KTN1: variants seen among roughly 807,000 people sequenced by gnomAD.
The protein encoded by KTN1 is kinectin 1.
A neutral mutation model predicts 222.5 loss-of-function variants in KTN1; 130 were observed. The observed-to-expected ratio is 0.58, with a 90% CI of 0.51 to 0.68. The LOEUF (loss-of-function observed/expected upper bound fraction) is 0.68. Among genes scored for constraint, KTN1 ranks in the 30% least tolerant of loss-of-function variants. The pLI, the probability that KTN1 is intolerant of heterozygous loss-of-function variation, is 0.00. For synonymous variants in KTN1, 512 were observed against 496.3 expected, an observed-to-expected ratio of 1.03 and a Z score of -0.42; for missense variants, 1,508 against 1,500.4, an observed-to-expected ratio of 1.01 and a Z score of -0.08.
intron 5 of KTN1, among the ~76,000 whole-genome samples, chr14:55,622,810 C>T (rs964625678): frequency 6.6e-6 from 1 of 152,136 alleles, no homozygotes; most frequent in African/African-American, 2.4e-5. Context: ...TATATTACTG[C>T]TTTAAAAACC....
Position 55,627,809 on chromosome 14 carries a change from G to A in KTN1, c.964-103G>A, listed in dbSNP as rs966085126. On this transcript the variant is annotated intron_variant, in intron 5 of 43. Coordinates refer to ENST00000395314, the MANE Select transcript of KTN1 (RefSeq NM_001079521.2). ...GGACATGAACTCATTCTTTTTTATG[G>A]CTGCATAGTATTCCATGGTGTATAT... The A allele has an allele frequency of 8.8e-6, 6 of 681,672 alleles. No individual in the cohort carries two copies. The African/African-American group carries it at 9.0e-5, about 10-fold the overall frequency. 42.2% of individuals were successfully genotyped at this position (681,672 alleles called of 1,614,324 possible).
intron 32 of KTN1, chr14:55,663,680 T>C (rs1409979119): frequency 6.7e-6 from 2 of 299,854 alleles, no homozygotes; most frequent in East Asian, 1.4e-4. Context: ...GTCTTTACTT[T>C]TGAATGCTTT....
intron 18 of KTN1, chr14:55,644,349 G>A (rs2042083722): frequency 2.9e-6 from 2 of 701,146 alleles, no homozygotes; most frequent in East Asian, 2.7e-5. Flanking sequence ...TTTTTATTCT[G>A]GAGGAAAAGA....
chr14:55,665,849 T>A (rs912656631), intron 33 of KTN1, among the ~76,000 whole-genome samples: 4 of 151,996 alleles, frequency 2.6e-5, no homozygotes, highest in Non-Finnish European at 5.9e-5. Context: ...AAATTGTTAA[T>A]ACCAAATAAA....
intron 19 of KTN1, among the ~76,000 whole-genome samples, chr14:55,647,450 C>T (rs909225356): frequency 4.0e-5 from 6 of 151,074 alleles, no homozygotes; most frequent in African/African-American, 1.5e-4. Context: ...GCCTGGCCAA[C>T]ATGGCAAACC....
At chr14:55,600,080 C>T (rs75437558) in intron 1 of KTN1, among the ~76,000 whole-genome samples, 11,575 of 150,420 alleles carry the variant, frequency 0.077, 478 homozygotes, top group South Asian at 0.11. Context: ...ATTTACATTT[C>T]ATGTTCAGTT....
intron 31 of KTN1, among the ~76,000 whole-genome samples, chr14:55,660,928 T>C (rs1340129062): frequency 6.6e-6 from 1 of 152,204 alleles, no homozygotes; most frequent in African/African-American, 2.4e-5. Context: ...GAGCTATTTG[T>C]TATTTAACTT....
chr14:55,623,283 G>A (rs1319317766), intron 5 of KTN1, among the ~76,000 whole-genome samples: 1 of 152,232 alleles, frequency 6.6e-6, no homozygotes, highest in Non-Finnish European at 1.5e-5. Context: ...TGCCAGCAAT[G>A]GCCCAGAGTA....
At chr14:55,655,076 C>A (rs1172707115) in intron 28 of KTN1, among the ~76,000 whole-genome samples, 2 of 152,046 alleles carry the variant, frequency 1.3e-5, no homozygotes, top group African/African-American at 4.8e-5. Flanking sequence ...GCAGCCAGGA[C>A]ATCCTGGGCT....
At chr14:55,587,199 C>T (rs139944861) in intron 1 of KTN1, among the ~76,000 whole-genome samples, 97 of 152,252 alleles carry the variant, frequency 6.4e-4, no homozygotes, top group African/African-American at 2.2e-3. Flanking sequence ...GATTGGGACT[C>T]ATTGAGTCTT....
chr14:55,658,832 T>A (rs184371417), intron 30 of KTN1, among the ~76,000 whole-genome samples: 1 of 152,330 alleles, frequency 6.6e-6, no homozygotes, highest in East Asian at 1.9e-4. Flanking sequence ...TTGCCGGTAT[T>A]CCAGCTCTGT....
rs74443455 is a variant in KTN1, at chr14:55,624,016, A to G, written c.964-3896A>G. 1.0e-2 allele frequency among the ~76,000 whole-genome samples: 1,519 copies of G among 152,310 alleles called. 24 individuals are homozygous for G. Among genetic ancestry groups the G allele is most frequent in the African/African-American group, 0.035 (1,463 of 41,548 alleles). The stretch of plus-strand genomic sequence containing the variant: ...CAGGCCTTGGAAGAAGTTGGAAACT[A>G]TTAAAGATAGCATGGAGCAAGTGTT... On this transcript the variant is annotated intron_variant, in intron 5 of 43. Coordinates refer to ENST00000395314, the MANE Select transcript of KTN1 (RefSeq NM_001079521.2).
chr14:55,597,285 A>G (rs2035215318), intron 1 of KTN1, among the ~76,000 whole-genome samples: 1 of 152,170 alleles, frequency 6.6e-6, no homozygotes, highest in Non-Finnish European at 1.5e-5. Flanking sequence ...GTCTTCAGGG[A>G]ATGTTTTCTT....
intron 7 of KTN1, among the ~76,000 whole-genome samples, chr14:55,631,477 A>T (rs894226643): frequency 6.6e-6 from 1 of 151,400 alleles, no homozygotes; most frequent in Non-Finnish European, 1.5e-5. Context: ...TTAGGCTACA[A>T]TTTGTTCTGA....
chr14:55,616,582 C>T lies in KTN1; in HGVS notation c.589C>T (p.His197Tyr), dbSNP rs1398613364. 2 of 1,607,886 alleles carry T rather than the reference C, an allele frequency of 1.2e-6. No homozygotes were observed. Among genetic ancestry groups the T allele is most frequent in the Non-Finnish European group, 1.7e-6 (2 of 1,177,932 alleles). The change falls in exon 3 of 44, where the codon CAC becomes TAC. Residue 197 changes from histidine to tyrosine, a missense_variant. Physicochemically the swap from His to Tyr is moderately conservative, Grantham distance 83. Coordinates refer to ENST00000395314, the MANE Select transcript of KTN1 (RefSeq NM_001079521.2). ...AAAAAGGCAAGAAGCATTGCCCCTC[C>T]ACCAAGAGACTAAACAAGAAAGTGG... ...PSKRQEALPLHQETKQESGSG... is the reference protein window; with the variant it reads ...PSKRQEALPLYQETKQESGSG...
chr14:55,663,488 A>G (rs1205494355), intron 32 of KTN1: 1 of 162,834 alleles, frequency 6.1e-6, no homozygotes, highest in African/African-American at 2.4e-5. Flanking sequence ...TAGATTTGAA[A>G]CATGTTAATT....
intron 3 of KTN1, among the ~76,000 whole-genome samples, chr14:55,617,265 T>C (rs2038525573): frequency 6.6e-6 from 1 of 152,144 alleles, no homozygotes; most frequent in Non-Finnish European, 1.5e-5. Context: ...AAGAGACATA[T>C]ATAAGTAAAG....
At chr14:55,651,276 T>C (rs1177685388) in intron 24 of KTN1, 1 of 455,884 alleles carries the variant, frequency 2.2e-6, no homozygotes, top group Admixed American at 2.3e-5. Flanking sequence ...GATCATACTT[T>C]TCTAATATAG....
intron 7 of KTN1, 46 bp downstream of exon 7, chr14:55,630,143 T>TA (rs754227244): frequency 6.9e-5 from 108 of 1,565,508 alleles, no homozygotes; most frequent in Admixed American, 8.4e-5. Flanking sequence ...TTGCATTCAC[T>TA]TTATTAGCAA....
Sources: allele counts gnomAD v4.1 joint callset (sites outside exome capture counted in the v4.1 genomes callset), GRCh38; gene constraint gnomAD v4.1.1; transcripts MANE v1.5; gene names NCBI Gene and HGNC (gene_info 2026-07-23, HGNC 2026-07-21).